The following RAD54L2 variants were observed in gnomAD, a reference collection of about 807,000 sequenced individuals.
RAD54L2 encodes the protein RAD54 like 2.
RAD54L2 carries 27 observed loss-of-function variants against 138.4 expected under a neutral mutation model. That is an observed-to-expected ratio of 0.20 (90% CI 0.14 to 0.27). The LOEUF (loss-of-function observed/expected upper bound fraction) is 0.27. Among genes scored for constraint, RAD54L2 ranks in the 10% least tolerant of loss-of-function variants. The pLI is 1.00. For synonymous variants in RAD54L2, 644 were observed against 723.2 expected (o/e 0.89, Z 1.76); for missense variants, 1,396 against 1,890.2 (o/e 0.74, Z 4.85).
intron 3 of RAD54L2, among the ~76,000 whole-genome samples, chr3:51,606,864 T>G (rs1700192412): frequency 6.6e-6 from 1 of 151,878 alleles, no homozygotes; most frequent in African/African-American, 2.4e-5. Context: ...GTATTTTTAG[T>G]GGAAACAGGG....
chr3:51,657,700 C>A lies in RAD54L2; in HGVS notation c.3316+31C>A, dbSNP rs545013362. ...AGCCTGACCAAGGACCTGTTCCCTGCCTTTGGTTGAGAGTGCTGGGCTGGG... is the reference window on the plus strand; with the variant it reads ...AGCCTGACCAAGGACCTGTTCCCTGACTTTGGTTGAGAGTGCTGGGCTGGG... On this transcript the variant is annotated intron_variant, in intron 21 of 22. Coordinates refer to ENST00000684192, the MANE Select transcript of RAD54L2 (RefSeq NM_015106.4). 2.0e-5 allele frequency: 29 copies of A among 1,457,862 alleles called. No homozygotes were observed. The African/African-American group carries it at 3.6e-4, about 18-fold the overall frequency. The allele number at this position is 1,457,862 out of a possible 1,614,324, so 90.3% of individuals were successfully genotyped here. A position where few individuals can be genotyped will look rare whatever the true frequency, so the allele number is the denominator to read the frequency against.
intron 3 of RAD54L2, among the ~76,000 whole-genome samples, chr3:51,604,870 G>A (rs780676413): frequency 1.3e-5 from 2 of 152,074 alleles, no homozygotes; most frequent in Non-Finnish European, 2.9e-5. Context: ...AAGGGAAGGT[G>A]GTTAAGTATT....
At chr3:51,551,785 G>A (rs1371868041) in intron 2 of RAD54L2, among the ~76,000 whole-genome samples, 3 of 143,142 alleles carry the variant, frequency 2.1e-5, no homozygotes, top group Admixed American at 7.1e-5. Flanking sequence ...ATGGAGTCTC[G>A]CTCTGTCGCC....
intron 2 of RAD54L2, among the ~76,000 whole-genome samples, chr3:51,585,741 T>C (rs570745158): frequency 3.9e-5 from 6 of 152,228 alleles, no homozygotes; most frequent in Non-Finnish European, 7.3e-5. Flanking sequence ...TGTAGACTTA[T>C]TAAAACACTT....
rs188305542 is a variant in RAD54L2, at chr3:51,629,355, A to C, written c.363A>C (p.Gln121His). ...RNIRKLLRED[Q>H]LEPVTKAAQQ... is the part of the protein sequence containing the mutation. ...TTAGAAAGCTACTCCGGGAGGATCA[A>C]TTGGAGCCTGTTACCAAAGCAGCAC... is the stretch of plus-strand genomic sequence containing the variant. Residue 121 changes from glutamine (Q) to histidine (H), a missense_variant, in exon 5 of 23, where the codon CAA (glutamine) becomes CAC (histidine). Coordinates refer to ENST00000684192, the MANE Select transcript of RAD54L2 (RefSeq NM_015106.4). 1.3e-6 allele frequency: 2 copies of C among 1,593,962 alleles called. No individual in the cohort carries two copies. The highest frequency in any genetic ancestry group is 1.7e-6 in the Non-Finnish European group (2 of 1,170,182).
chr3:51,606,451 T>G (rs1206773898), intron 3 of RAD54L2, among the ~76,000 whole-genome samples: 1 of 152,116 alleles, frequency 6.6e-6, no homozygotes, highest in Non-Finnish European at 1.5e-5. Context: ...GGATGAGATT[T>G]TTTTTCCTTG....
At position 51,638,135 on chromosome 3, in the gene RAD54L2, C is replaced by T. The variant is rs1266197593; in HGVS notation, c.1683-9C>T. On this transcript the variant is annotated splice_polypyrimidine_tract_variant and intron_variant, in intron 11 of 22. Coordinates refer to ENST00000684192, the MANE Select transcript of RAD54L2 (RefSeq NM_015106.4). The surrounding 1 kb of genome is among the most constrained non-coding windows in gnomAD (Gnocchi z 4.3). ...TACCTTGCCGTTTCTGTTCTGTTTG[C>T]CTCCATAGGAGAGGCCACACTGTGC... 1 of 1,613,238 alleles carries T rather than the reference C, an allele frequency of 6.2e-7. No homozygotes were observed. The highest frequency in any genetic ancestry group is 8.5e-7 in the Non-Finnish European group (1 of 1,179,366).
chr3:51,649,076 T>A (rs1475996550), intron 19 of RAD54L2, among the ~76,000 whole-genome samples: 1 of 152,022 alleles, frequency 6.6e-6, no homozygotes, highest in South Asian at 2.1e-4. Flanking sequence ...GACAAATGGC[T>A]AACTAGAATA....
Position 51,637,593 on chromosome 3 carries a change from G to C in RAD54L2, c.1682+90G>C. The C allele has an allele frequency of 7.8e-7, 1 of 1,283,840 alleles. No individual in the cohort carries two copies. Among genetic ancestry groups the C allele is most frequent in the Non-Finnish European group, 1.1e-6 (1 of 945,846 alleles). 79.5% of individuals were successfully genotyped at this position (1,283,840 alleles called of 1,614,324 possible). A position where few individuals can be genotyped will look rare whatever the true frequency, so the allele number is the denominator to read the frequency against. On this transcript the variant is annotated intron_variant, in intron 11 of 22. Transcript: ENST00000684192. This position sits in a 1 kb window ranked among gnomAD's most constrained non-coding sequence, Gnocchi z 5.9. ...AACCTGTTATACAGGATAGGGTGTT[G>C]GAGTAGGAGGGCCCCTTCCCTGGGG...
chr3:51,653,176 A>C (rs1261119114), intron 19 of RAD54L2, among the ~76,000 whole-genome samples: 1 of 152,276 alleles, frequency 6.6e-6, no homozygotes, highest in East Asian at 1.9e-4. Flanking sequence ...GACACATGAA[A>C]AAAATGTTCA....
intron 7 of RAD54L2, 69 bp from the exon 8 acceptor site, chr3:51,633,508 C>A: frequency 6.9e-7 from 1 of 1,446,650 alleles, no homozygotes; most frequent in South Asian, 1.2e-5. Flanking sequence ...TTACTAATTA[C>A]AAAGTGAGTA....
At chr3:51,653,095 C>G (rs552254237) in intron 19 of RAD54L2, among the ~76,000 whole-genome samples, 1 of 152,274 alleles carries the variant, frequency 6.6e-6, no homozygotes, top group Non-Finnish European at 1.5e-5. Flanking sequence ...AAAAATCAAA[C>G]AACCCCATCA....
chr3:51,573,584 C>T (rs895849679), intron 2 of RAD54L2, among the ~76,000 whole-genome samples: 1 of 151,948 alleles, frequency 6.6e-6, no homozygotes, highest in Non-Finnish European at 1.5e-5. Flanking sequence ...TACAGGCAAG[C>T]GCCACCACGC....
chr3:51,603,334 AGT>A lies in RAD54L2; in HGVS notation c.139+12777_139+12778del, dbSNP rs554210447. Among the ~76,000 whole-genome samples, 707 of 152,128 alleles carry A rather than the reference AGT, an allele frequency of 4.6e-3. 4 individuals carry two copies. Among genetic ancestry groups the A allele is most frequent in the South Asian group, 0.02 (95 of 4,818 alleles). On this transcript the variant is annotated intron_variant, in intron 3 of 22. Transcript: ENST00000684192. ...GAAAATAAATAAATAGGCTGGATGC[AGT>A]GGCTCACACCTGTAATCCCAGCACT...
Position 51,627,534 on chromosome 3 carries a change from T to A in RAD54L2, c.140-19T>A. The A allele has an allele frequency of 6.5e-7, 1 of 1,548,658 alleles. No homozygotes were observed. Among genetic ancestry groups the A allele is most frequent in the Non-Finnish European group, 8.7e-7 (1 of 1,145,810 alleles). On this transcript the variant is annotated intron_variant, in intron 3 of 22. Coordinates refer to ENST00000684192, the MANE Select transcript of RAD54L2 (RefSeq NM_015106.4). ...CCCCTCACCCCTATAAAGCAATGTCTTTCCCCTTGTTTTTTCAGACCCATC... is the reference window on the plus strand; with the variant it reads ...CCCCTCACCCCTATAAAGCAATGTCATTCCCCTTGTTTTTTCAGACCCATC...
At position 51,645,240 on chromosome 3, in the gene RAD54L2, T is replaced by C. The variant is rs765742957; in HGVS notation, c.2656+11T>C. 3.1e-6 allele frequency: 5 copies of C among 1,600,164 alleles called. No individual in the cohort carries two copies. The South Asian group carries it at 5.6e-5, about 18-fold the overall frequency. ...AGCAGGGCATGTCAGGTGGGCCATC[T>C]TCCAGACTTCGGAGAGGCACATCTA... On this transcript the variant is annotated intron_variant, in intron 17 of 22. Transcript: ENST00000684192. The surrounding 1 kb of genome is among the most constrained non-coding windows in gnomAD (Gnocchi z 6.1).
At chr3:51,585,188 GAAA>G (rs149581076) in intron 2 of RAD54L2, among the ~76,000 whole-genome samples, 3,258 of 151,736 alleles carry the variant, frequency 0.021, 119 homozygotes, top group African/African-American at 0.074. Context: ...TATTCTTCAA[GAAA>G]AAAAACAAGT....
intron 2 of RAD54L2, among the ~76,000 whole-genome samples, chr3:51,569,529 G>A (rs1277617074): frequency 6.6e-6 from 1 of 151,886 alleles, no homozygotes; most frequent in Non-Finnish European, 1.5e-5. Flanking sequence ...GATTACAGGT[G>A]TCCACCACCA....
chr3:51,545,856 T>A (rs1698679060), intron 2 of RAD54L2, among the ~76,000 whole-genome samples: 1 of 151,878 alleles, frequency 6.6e-6, no homozygotes, highest in Non-Finnish European at 1.5e-5. Context: ...AATTAGTTTT[T>A]ATGGGTGATT....
Sources: gnomAD v4.1 joint callset for allele counts (sites outside exome capture counted in the v4.1 genomes callset) on GRCh38, gnomAD v4.1.1 for gene constraint, Gnocchi (gnomAD v3.1) non-coding constraint, MANE v1.5 for transcripts, NCBI Gene and HGNC (gene_info 2026-07-23, HGNC 2026-07-21) for gene names.